CACHD1: variants seen among roughly 807,000 people sequenced by gnomAD.
CACHD1 encodes cache domain containing 1, also known as VWFA and cache domain-containing protein 1.
In CACHD1, 71 loss-of-function variants were observed where a neutral mutation model predicts 138.7. The observed-to-expected ratio is 0.51, with a 90% CI of 0.42 to 0.62. The LOEUF (loss-of-function observed/expected upper bound fraction) is 0.62, where lower values mean the gene tolerates loss of function less well. Among genes scored for constraint, CACHD1 ranks in the 20% least tolerant of loss-of-function variants. The pLI, the probability that CACHD1 is intolerant of heterozygous loss-of-function variation, is 0.00. For synonymous variants in CACHD1, 578 were observed against 591.5 expected (o/e 0.98, Z 0.33); for missense variants, 1,389 against 1,625.3 (o/e 0.85, Z 2.50).
intron 3 of CACHD1, among the ~76,000 whole-genome samples, chr1:64,584,650 G>A (rs1408029610): frequency 1.3e-5 from 2 of 152,044 alleles, no homozygotes; most frequent in African/African-American, 2.4e-5. Context: ...AGAACTTAAT[G>A]TATCAGACCT....
chr1:64,524,081 T>C (rs1646518848), intron 1 of CACHD1, among the ~76,000 whole-genome samples: 1 of 152,188 alleles, frequency 6.6e-6, no homozygotes, highest in South Asian at 2.1e-4. Flanking sequence ...TTCTTGGTTC[T>C]ACTAGTAATG....
chr1:64,607,720 A>C (rs1270949711), intron 4 of CACHD1, among the ~76,000 whole-genome samples: 1 of 152,194 alleles, frequency 6.6e-6, no homozygotes, highest in Non-Finnish European at 1.5e-5. Context: ...ATTCATAGCA[A>C]GAAGAGGAAA....
chr1:64,675,904 CA>C lies in CACHD1; in HGVS notation c.2900del (p.Asn967MetfsTer11). On this transcript the variant is annotated frameshift_variant, in exon 21 of 27. Transcript: ENST00000651257. LOFTEE classifies it high-confidence loss of function. The stretch of plus-strand genomic sequence containing the variant: ...TTTCTTTTTGCTTTTCAGAATGGAA[CA>C]AAATGAATGTGAATGTCCTTGTGAG... ...RLCLNCHRME[Q>X]NECECPCECP... 1 of 1,540,092 alleles carries C rather than the reference CA, an allele frequency of 6.5e-7. No individual in the cohort carries two copies. Among genetic ancestry groups the C allele is most frequent in the Non-Finnish European group, 8.8e-7 (1 of 1,142,652 alleles).
chr1:64,581,399 C>G lies in CACHD1; in HGVS notation c.262-757C>G, dbSNP rs141393372. Among the ~76,000 whole-genome samples, 788 of 152,276 alleles carry G rather than the reference C, an allele frequency of 5.2e-3. 5 individuals are homozygous for G. Among genetic ancestry groups the G allele is most frequent in the African/African-American group, 0.018 (754 of 41,554 alleles). Reference sequence around the variant, plus strand: ...TTTGTTTAAAGGGAAGAAAAAACAACACAGTTTTCCTTGGAGATCTTTGAT... The same window carrying G: ...TTTGTTTAAAGGGAAGAAAAAACAAGACAGTTTTCCTTGGAGATCTTTGAT... On this transcript the variant is annotated intron_variant, in intron 2 of 26. Coordinates refer to ENST00000651257, the MANE Select transcript of CACHD1 (RefSeq NM_020925.4).
chr1:64,484,389 T>G (rs1456265207), intron 1 of CACHD1, among the ~76,000 whole-genome samples: 1 of 151,862 alleles, frequency 6.6e-6, no homozygotes, highest in Non-Finnish European at 1.5e-5. Context: ...TTGGTGTAGT[T>G]TAAGAACTGA....
intron 2 of CACHD1, among the ~76,000 whole-genome samples, chr1:64,573,918 T>C (rs1214390901): frequency 6.6e-6 from 1 of 152,210 alleles, no homozygotes; most frequent in African/African-American, 2.4e-5. Flanking sequence ...CAATTAGTTC[T>C]AATTATTGTT....
In CACHD1 at chr1:64,634,228, G is replaced by A. The variant is rs1329242081; in HGVS notation, c.974G>A (p.Arg325Gln). 1.3e-5 allele frequency: 21 copies of A among 1,613,528 alleles called. No individual in the cohort carries two copies. The highest frequency in any genetic ancestry group is 1.2e-4 in the Admixed American group (7 of 59,900). ...VGFQKAFQLI[R>Q]STNNNTKFQA... ...TTCCAAAAGGCATTTCAGCTGATTC[G>A]AAGTACAAACAATAACACAAAGTTC... The change falls in exon 7 of 27, where the codon CGA becomes CAA. Residue 325 changes from arginine (R) to glutamine (Q), a missense_variant. Coordinates refer to ENST00000651257, the MANE Select transcript of CACHD1 (RefSeq NM_020925.4).
chr1:64,640,692 GACACACAC>G (rs35423621), intron 7 of CACHD1, among the ~76,000 whole-genome samples: 91,514 of 143,656 alleles, frequency 0.64, 30,225 homozygotes, highest in South Asian at 0.75. Flanking sequence ...TATATATACA[GACACACAC>G]ACACACACAC....
chr1:64,590,107 A>G (rs1265097896), intron 3 of CACHD1, among the ~76,000 whole-genome samples: 1 of 152,152 alleles, frequency 6.6e-6, no homozygotes, highest in Admixed American at 6.5e-5. Flanking sequence ...GGAGATCGAG[A>G]TCATCCTGGC....
At chr1:64,599,826 T>C (rs1223107266) in intron 3 of CACHD1, among the ~76,000 whole-genome samples, 6 of 152,118 alleles carry the variant, frequency 3.9e-5, no homozygotes, top group East Asian at 1.9e-4. Context: ...ATCCTCAGCA[T>C]TGGACTTCAG....
intron 4 of CACHD1, among the ~76,000 whole-genome samples, chr1:64,628,335 A>G (rs749380067): frequency 6.6e-6 from 1 of 152,182 alleles, no homozygotes; most frequent in Non-Finnish European, 1.5e-5. Context: ...CTGCTTGTAT[A>G]TCAATTATTA....
At chr1:64,473,158 A>G (rs916906158) in intron 1 of CACHD1, among the ~76,000 whole-genome samples, 2 of 152,142 alleles carry the variant, frequency 1.3e-5, no homozygotes, top group Non-Finnish European at 2.9e-5. Flanking sequence ...TCCTGTGGAC[A>G]GGGTTTTGTC....
rs755390135 is a variant in CACHD1, at chr1:64,647,805, G to A, written c.1161G>A (p.Gly387=). The part of the protein sequence containing the change: ...MILTYALMND[G]VTGLKELAFL... ...TCTCTCGGCTTTCCATTTTAGATGG[G>A]GTGACTGGTTTGAAAGAGCTGGCTT... Residue 387 remains glycine, a synonymous_variant, in exon 9 of 27, where the codon GGG becomes GGA. Transcript: ENST00000651257. The A allele has an allele frequency of 1.2e-6, 2 of 1,613,856 alleles. No homozygotes were observed. The highest frequency in any genetic ancestry group is 2.7e-5 in the African/African-American group (2 of 74,920).
chr1:64,638,326 T>C (rs1299336393), intron 7 of CACHD1, among the ~76,000 whole-genome samples: 1 of 152,232 alleles, frequency 6.6e-6, no homozygotes, highest in Non-Finnish European at 1.5e-5. Flanking sequence ...TAAGACCTAC[T>C]CTTGACGATT....
intron 1 of CACHD1, among the ~76,000 whole-genome samples, chr1:64,531,789 G>A (rs1392164577): frequency 6.6e-6 from 1 of 152,194 alleles, no homozygotes; most frequent in African/African-American, 2.4e-5. Flanking sequence ...GACGGGTTTG[G>A]TTGGTGATAC....
chr1:64,540,979 AGTGTGT>A (rs369916212), intron 1 of CACHD1, among the ~76,000 whole-genome samples: 2 of 150,518 alleles, frequency 1.3e-5, no homozygotes, highest in African/African-American at 2.4e-5. Flanking sequence ...AGTGGCTGTG[AGTGTGT>A]GTGTGTGTGT....
chr1:64,502,612 T>C (rs1176267960), intron 1 of CACHD1, among the ~76,000 whole-genome samples: 1 of 125,912 alleles, frequency 7.9e-6, no homozygotes, highest in East Asian at 1.9e-4. Context: ...CATAAAATCT[T>C]TTTAGATTAT....
intron 4 of CACHD1, among the ~76,000 whole-genome samples, chr1:64,628,460 C>T (rs555609106): frequency 3.3e-5 from 5 of 152,184 alleles, no homozygotes; most frequent in South Asian, 4.2e-4. Flanking sequence ...AACAAAAGAT[C>T]CTAAGAGCTC....
At chr1:64,491,548 A>AAAGC (rs1646274834) in intron 1 of CACHD1, among the ~76,000 whole-genome samples, 1 of 152,048 alleles carries the variant, frequency 6.6e-6, no homozygotes, top group Non-Finnish European at 1.5e-5. Context: ...TATCACAAGA[A>AAAGC]AAGCAGGGGG....
Sources: gnomAD v4.1 joint callset for allele counts (sites outside exome capture counted in the v4.1 genomes callset) on GRCh38, gnomAD v4.1.1 for gene constraint, MANE v1.5 for transcripts, NCBI Gene and HGNC (gene_info 2026-07-23, HGNC 2026-07-21) for gene names.